Variants in KALRN observed in about 807,000 individuals in gnomAD.
KALRN encodes the protein kalirin RhoGEF kinase.
In KALRN, 70 loss-of-function variants were observed where a neutral mutation model predicts 353.7. The ratio of observed to expected loss-of-function variants is 0.20; its 90% CI spans 0.16 to 0.24. The LOEUF (loss-of-function observed/expected upper bound fraction) is 0.24. KALRN is among the 10% of genes least tolerant of loss of function. KALRN has a pLI of 1.00. For synonymous variants in KALRN, 1,391 were observed against 1,434.8 expected, an observed-to-expected ratio of 0.97 and a Z score of 0.69; for missense variants, 2,791 against 3,756.7, an observed-to-expected ratio of 0.74 and a Z score of 6.72.
In KALRN at chr3:124,723,093, TA is replaced by T. The variant is rs1270345042; in HGVS notation, c.*3626del. 1.3e-5 allele frequency: 2 copies of T among 152,152 alleles called. 1 individual carries two copies. The highest frequency in any genetic ancestry group is 4.8e-5 in the African/African-American group (2 of 41,436). 9.4% of individuals were successfully genotyped at this position (152,152 alleles called of 1,614,324 possible). On this transcript the variant is annotated 3_prime_UTR_variant, in exon 60 of 60. Transcript: ENST00000682506. ...ATATCCTTCAGGTCTCTCTCAGCCA[TA>T]AACAATGTAAGGGGGAGTAGAGGAA...
intron 1 of KALRN, among the ~76,000 whole-genome samples, chr3:124,187,107 GACTC>G (rs1470932304): frequency 2.0e-5 from 3 of 152,118 alleles, no homozygotes; most frequent in African/African-American, 7.2e-5. Context: ...TTGAGAAAGA[GACTC>G]ACTCTGTCGC....
rs2069843708 is a variant in KALRN at position 124,160,967 on chromosome 3, T to A, written c.74-67023T>A. On this transcript the variant is annotated intron_variant, in intron 1 of 59. Transcript: ENST00000682506. ...AGGGGGAGTCTTAATCCTTTGGGGTTTGAGGGAGGCTCACATACTGTGTGA... is the reference window on the plus strand; with the variant it reads ...AGGGGGAGTCTTAATCCTTTGGGGTATGAGGGAGGCTCACATACTGTGTGA... Among the ~76,000 whole-genome samples the A allele has an allele frequency of 2.0e-5, 3 of 152,248 alleles. No individual in the cohort carries two copies. In the South Asian group the frequency reaches 6.2e-4, roughly 32 times the overall value.
intron 1 of KALRN, among the ~76,000 whole-genome samples, chr3:124,218,353 CTG>C (rs951523693): frequency 1.3e-5 from 2 of 152,202 alleles, no homozygotes; most frequent in Non-Finnish European, 2.9e-5. Flanking sequence ...CAAAGCTTTT[CTG>C]TGTCTGAACT....
intron 1 of KALRN, among the ~76,000 whole-genome samples, chr3:124,092,630 A>G (rs1462883008): frequency 6.6e-6 from 1 of 152,216 alleles, no homozygotes; most frequent in African/African-American, 2.4e-5. Flanking sequence ...GGGCTCCCGT[A>G]TCTCAGTGAA....
intron 34 of KALRN, among the ~76,000 whole-genome samples, chr3:124,592,948 A>G (rs372967390): frequency 2.6e-5 from 4 of 152,332 alleles, no homozygotes; most frequent in East Asian, 3.9e-4. Context: ...CAGTGAGGAA[A>G]CTGTCAAATT....
intron 34 of KALRN, among the ~76,000 whole-genome samples, chr3:124,604,217 T>A (rs771075536): frequency 1.3e-5 from 2 of 152,178 alleles, no homozygotes; most frequent in African/African-American, 4.8e-5. Flanking sequence ...TAGTTACATA[T>A]GTATACATGT....
At position 124,471,825 on chromosome 3, in the gene KALRN, G is replaced by T. The variant is rs540439128; in HGVS notation, c.4032-2838G>T. ...AAGAAAAAGACAAAAAAATTAGCCA[G>T]GCGTGGTGGCGGGCGCTTGCAGTCC... On this transcript the variant is annotated intron_variant, in intron 25 of 59. Coordinates refer to ENST00000682506, the MANE Select transcript of KALRN (RefSeq NM_001388419.1). Among the ~76,000 whole-genome samples the T allele has an allele frequency of 6.6e-5, 10 of 151,990 alleles. No homozygotes were observed. In the East Asian group the frequency reaches 2.0e-3, roughly 30 times the overall value.
intron 34 of KALRN, among the ~76,000 whole-genome samples, chr3:124,575,583 G>A (rs2074010496): frequency 6.6e-6 from 1 of 152,182 alleles, no homozygotes; most frequent in Non-Finnish European, 1.5e-5. Flanking sequence ...GGTTGGAAAT[G>A]CAACATGAGT....
intron 34 of KALRN, among the ~76,000 whole-genome samples, chr3:124,617,619 A>G (rs2078765270): frequency 6.6e-6 from 1 of 152,214 alleles, no homozygotes; most frequent in Non-Finnish European, 1.5e-5. Context: ...CTTATAGGAC[A>G]CTGGTCTTCA....
intron 21 of KALRN, among the ~76,000 whole-genome samples, chr3:124,453,125 A>G (rs1407290789): frequency 6.6e-6 from 1 of 152,166 alleles, no homozygotes; most frequent in African/African-American, 2.4e-5. Context: ...AAGGGGTTCA[A>G]TAATTCTAGT....
intron 23 of KALRN, among the ~76,000 whole-genome samples, chr3:124,459,989 C>CA (rs1342187747): frequency 6.6e-6 from 1 of 152,188 alleles, no homozygotes; most frequent in Non-Finnish European, 1.5e-5. Context: ...CTCAAGGTGT[C>CA]AGCAGGGTTG....
intron 1 of KALRN, among the ~76,000 whole-genome samples, chr3:124,051,758 A>G (rs2041066976): frequency 6.6e-6 from 1 of 152,186 alleles, no homozygotes; most frequent in South Asian, 2.1e-4. Flanking sequence ...TGAAACTGGG[A>G]ACTCTGTCCC....
intron 1 of KALRN, among the ~76,000 whole-genome samples, chr3:124,147,568 G>A (rs971082535): frequency 5.9e-5 from 9 of 152,172 alleles, no homozygotes; most frequent in African/African-American, 2.2e-4. Context: ...ATAGGAAGTT[G>A]CAAAGAAACA....
chr3:124,693,203 T>C (rs1040366079), intron 51 of KALRN, among the ~76,000 whole-genome samples: 1 of 152,188 alleles, frequency 6.6e-6, no homozygotes, highest in African/African-American at 2.4e-5. Flanking sequence ...TAGGAGATCA[T>C]GCTTGAGAAA....
At chr3:124,484,658 T>G (rs1275470555) in intron 28 of KALRN, among the ~76,000 whole-genome samples, 1 of 152,164 alleles carries the variant, frequency 6.6e-6, no homozygotes, top group Non-Finnish European at 1.5e-5. Context: ...CGTTCTATCT[T>G]TAGATGACAG....
intron 33 of KALRN, among the ~76,000 whole-genome samples, chr3:124,559,026 T>C (rs1347596743): frequency 2.0e-5 from 3 of 152,220 alleles, no homozygotes; most frequent in South Asian, 2.1e-4. Flanking sequence ...ATTAATCATG[T>C]AAAAATAGAC....
chr3:124,509,462 C>T (rs1350601113), intron 33 of KALRN, among the ~76,000 whole-genome samples: 2 of 152,226 alleles, frequency 1.3e-5, no homozygotes, highest in African/African-American at 4.8e-5. Context: ...CCCACTTCGG[C>T]CTCCCAAAGT....
intron 1 of KALRN, among the ~76,000 whole-genome samples, chr3:124,209,484 C>G (rs1360822266): frequency 1.8e-5 from 2 of 108,298 alleles, no homozygotes; most frequent in Non-Finnish European, 3.6e-5. Context: ...GCAAGACTCA[C>G]TCTGTCTCAA....
rs751074018 is a variant in KALRN at position 124,667,108 on chromosome 3, G to T, written c.6628G>T (p.Ala2210Ser). 6.2e-7 allele frequency: 1 copy of T among 1,614,156 alleles called. No individual in the cohort carries two copies. Among genetic ancestry groups the T allele is most frequent in the South Asian group, 1.1e-5 (1 of 91,068 alleles). ...ETSERVVLQA[A>S]NADIQQAWVQ... is the part of the protein sequence containing the mutation. The stretch of plus-strand genomic sequence containing the variant: ...TTCTGAGAGGGTTGTTCTGCAAGCC[G>T]CCAACGCTGACATCCAGCAGGCCTG... The change falls in exon 47 of 60, where the codon GCC becomes TCC. Residue 2210 changes from alanine to serine, a missense_variant. Ala to Ser is a moderately conservative substitution (Grantham distance 99, BLOSUM62 1). Around this residue, in one of 11 missense-constraint regions of KALRN, gnomAD observed 1,065 missense variants for 1,156.4 expected, o/e 0.92. Coordinates refer to ENST00000682506, the MANE Select transcript of KALRN (RefSeq NM_001388419.1).
Sources: gnomAD v4.1 joint callset for allele counts (sites outside exome capture counted in the v4.1 genomes callset) on GRCh38, gnomAD v4.1.1 for gene constraint, gnomAD v4.1.1 regional missense constraint, MANE v1.5 for transcripts, NCBI Gene and HGNC (gene_info 2026-07-23, HGNC 2026-07-21) for gene names.